GRIP1: variants seen among roughly 807,000 people sequenced by gnomAD.
GRIP1 encodes glutamate receptor-interacting protein 1.
Under a neutral mutation model 129.9 loss-of-function variants are expected in GRIP1, and 45 were observed. The ratio of observed to expected loss-of-function variants is 0.35; its 90% confidence interval spans 0.27 to 0.44. GRIP1 has a LOEUF of 0.44. Among genes scored for constraint, GRIP1 ranks in the 20% least tolerant of loss-of-function variants. The pLI is 1.00. For missense variants in GRIP1, 1,196 were observed against 1,396.8 expected, an observed-to-expected ratio of 0.86 and a Z score of 2.29; for synonymous variants, 530 against 520.8, an observed-to-expected ratio of 1.02 and a Z score of -0.24.
chr12:66,825,206 TTC>T, intron 1 of GRIP1, among the ~76,000 whole-genome samples: 1 of 152,152 alleles, frequency 6.6e-6, no homozygotes, highest in East Asian at 1.9e-4. Flanking sequence ...TTCCTAACAA[TTC>T]ATAGGGTCAA....
At position 66,684,864 on chromosome 12, in the gene GRIP1, GAACAAAACGA is replaced by G. The variant is rs1254016225; in HGVS notation, c.-419-54538_-419-54529del. 3.2e-4 allele frequency among the ~76,000 whole-genome samples: 48 copies of G among 151,978 alleles called. 1 individual carries two copies. Among genetic ancestry groups the G allele is most frequent in the African/African-American group, 1.0e-3 (43 of 41,422 alleles). On this transcript the variant is annotated intron_variant, in intron 1 of 4. Transcript: ENST00000538373. ...TGTCGAAATGAAATGAAATGAAATG[GAACAAAACGA>G]AACGAAACGAAACAAAACTACCTTC... is the stretch of plus-strand genomic sequence containing the variant.
chr12:66,549,198 T>C (rs2062044327), intron 2 of GRIP1, among the ~76,000 whole-genome samples: 1 of 152,182 alleles, frequency 6.6e-6, no homozygotes, highest in African/African-American at 2.4e-5. Flanking sequence ...TGGTAACTGC[T>C]GGATGAACGA....
chr12:66,351,531 GT>G (rs1343950747), intron 24 of GRIP1, among the ~76,000 whole-genome samples: 6 of 148,366 alleles, frequency 4.0e-5, no homozygotes, highest in African/African-American at 1.5e-4. Flanking sequence ...CTGCTGGGGA[GT>G]ATATGCAGGG....
intron 1 of GRIP1, among the ~76,000 whole-genome samples, chr12:66,793,822 C>T (rs569854350): frequency 6.6e-6 from 1 of 152,146 alleles, no homozygotes; most frequent in Admixed American, 6.5e-5. Flanking sequence ...GCTAACATAC[C>T]GACAATTGTG....
chr12:66,700,196 T>C (rs2035302041), intron 1 of GRIP1, among the ~76,000 whole-genome samples: 1 of 151,982 alleles, frequency 6.6e-6, no homozygotes, highest in Admixed American at 6.6e-5. Context: ...AGGGGAAAGA[T>C]GTTCCAGGCA....
intron 13 of GRIP1, among the ~76,000 whole-genome samples, chr12:66,443,150 TC>T (rs1479885404): frequency 6.6e-6 from 1 of 152,246 alleles, no homozygotes; most frequent in Non-Finnish European, 1.5e-5. Flanking sequence ...TAGCTACTGA[TC>T]AGGACTCTGC....
intron 1 of GRIP1, among the ~76,000 whole-genome samples, chr12:66,687,855 A>G (rs1450825027): frequency 6.6e-6 from 1 of 152,168 alleles, no homozygotes; most frequent in Non-Finnish European, 1.5e-5. Flanking sequence ...TCCCTTAGTC[A>G]CGGGGACTGG....
At chr12:66,860,270 CTG>C (rs1456278174) in intron 1 of GRIP1, among the ~76,000 whole-genome samples, 2 of 152,022 alleles carry the variant, frequency 1.3e-5, no homozygotes, top group Non-Finnish European at 2.9e-5. Flanking sequence ...CACGTGCTTG[CTG>C]TGTGAATGCT....
chr12:66,534,319 A>G (rs977298531), intron 4 of GRIP1, among the ~76,000 whole-genome samples: 1 of 152,148 alleles, frequency 6.6e-6, no homozygotes, highest in African/African-American at 2.4e-5. Flanking sequence ...AACATTTCTG[A>G]TACTCATCTC....
chr12:66,727,535 C>T (rs2036294631), intron 1 of GRIP1, among the ~76,000 whole-genome samples: 1 of 152,096 alleles, frequency 6.6e-6, no homozygotes, highest in Admixed American at 6.5e-5. Flanking sequence ...ATCCCACAGA[C>T]CCAGAGATGA....
intron 1 of GRIP1, chr12:67,069,018 C>CCCACCCACCCCCG: frequency 5.1e-6 from 3 of 588,234 alleles, no homozygotes; most frequent in Non-Finnish European, 6.4e-6. Flanking sequence ...CGGACCCCTG[C>CCCACCCACCCCCG]CCTCCCTCCC....
chr12:66,349,159 T>G lies in GRIP1; in HGVS notation c.3247A>C (p.Ser1083Arg). 1 of 1,613,856 alleles carries G rather than the reference T, an allele frequency of 6.2e-7. No homozygotes were observed. The highest frequency in any genetic ancestry group is 1.7e-4 in the Middle Eastern group (1 of 6,060). Residue 1083 changes from serine to arginine, a missense_variant, in exon 25 of 25, where the codon AGT (serine) becomes CGT (arginine). Ser to Arg is a moderately radical substitution (Grantham distance 110). Transcript: ENST00000359742. ...TTCTGTGAAGCCAGTGGGTTTCTAC[T>G]AATAACCAGGTCCAGCTTATTCCCG... ...ESGNKLDLVI[S>R]RNPLASQKSI...
intron 1 of GRIP1, among the ~76,000 whole-genome samples, chr12:66,824,817 T>A (rs2039380651): frequency 6.6e-6 from 1 of 152,162 alleles, no homozygotes; most frequent in African/African-American, 2.4e-5. Context: ...GGGGGCATAA[T>A]TTTTTTAAAT....
At chr12:66,410,278 A>C (rs1372182513) in intron 15 of GRIP1, among the ~76,000 whole-genome samples, 1 of 143,720 alleles carries the variant, frequency 7.0e-6, no homozygotes, top group African/African-American at 2.5e-5. Context: ...AAAAGAAGAG[A>C]TAATTAGTAA....
At chr12:66,776,150 C>G (rs1324551854) in intron 1 of GRIP1, among the ~76,000 whole-genome samples, 1 of 152,152 alleles carries the variant, frequency 6.6e-6, no homozygotes, top group Admixed American at 6.6e-5. Flanking sequence ...ATGCCCAAGG[C>G]TACAGGCCAG....
At chr12:66,503,176 C>G (rs2060437696) in intron 7 of GRIP1, among the ~76,000 whole-genome samples, 1 of 152,130 alleles carries the variant, frequency 6.6e-6, no homozygotes, top group Admixed American at 6.5e-5. Context: ...GATAAAAACA[C>G]TTAAAATTGG....
At chr12:66,898,692 G>C (rs1227386556) in intron 1 of GRIP1, among the ~76,000 whole-genome samples, 1 of 152,086 alleles carries the variant, frequency 6.6e-6, no homozygotes, top group African/African-American at 2.4e-5. Flanking sequence ...ATTTTGTTAG[G>C]ATATTCGTTA....
chr12:66,475,546 C>A (rs1013869244), intron 7 of GRIP1, among the ~76,000 whole-genome samples: 5 of 152,222 alleles, frequency 3.3e-5, no homozygotes, highest in Admixed American at 2.6e-4. Flanking sequence ...CACCACACTG[C>A]ACCTATTCCA....
At chr12:66,689,007 C>G (rs1316436677) in intron 1 of GRIP1, among the ~76,000 whole-genome samples, 1 of 152,122 alleles carries the variant, frequency 6.6e-6, no homozygotes, top group Non-Finnish European at 1.5e-5. Flanking sequence ...CCTTCCCTTT[C>G]AGGTCTGCAC....
Sources: allele counts gnomAD v4.1 joint callset (sites outside exome capture counted in the v4.1 genomes callset), GRCh38; gene constraint gnomAD v4.1.1; transcripts MANE v1.5; gene names NCBI Gene and HGNC (gene_info 2026-07-23, HGNC 2026-07-21).